PAFAH1B1: variants seen among roughly 807,000 people sequenced by gnomAD.
The protein encoded by PAFAH1B1 is platelet activating factor acetylhydrolase 1b regulatory subunit 1.
PAFAH1B1 carries 2 observed loss-of-function variants against 57.5 expected under a neutral mutation model. That is an observed-to-expected ratio of 0.03 (90% confidence interval 0.01 to 0.11). The LOEUF (loss-of-function observed/expected upper bound fraction) is 0.11. Ranked by LOEUF, PAFAH1B1 falls within the 10% of genes least tolerant of loss-of-function variation. PAFAH1B1 has a pLI of 1.00. For missense variants in PAFAH1B1, 257 were observed against 512.0 expected, an observed-to-expected ratio of 0.50 and a Z score of 4.81; for synonymous variants, 152 against 169.6, an observed-to-expected ratio of 0.90 and a Z score of 0.81.
At chr17:2,614,561 CTG>C (rs2068313683) in intron 1 of PAFAH1B1, among the ~76,000 whole-genome samples, 3 of 152,070 alleles carry the variant, frequency 2.0e-5, no homozygotes, top group Admixed American at 2.0e-4. Flanking sequence ...AACAAGGCAA[CTG>C]TGTTTTCTTC....
At chr17:2,681,671 A>T (rs1398522231) in intron 10 of PAFAH1B1, 58 bp from the exon 11 acceptor site, 9 of 1,340,078 alleles carry the variant, frequency 6.7e-6, no homozygotes, top group African/African-American at 1.4e-5. Context: ...GGGTCTCACT[A>T]TGTTTGTTGT....
intron 1 of PAFAH1B1, among the ~76,000 whole-genome samples, chr17:2,626,706 C>T (rs1349976462): frequency 6.6e-6 from 1 of 151,924 alleles, no homozygotes; most frequent in Non-Finnish European, 1.5e-5. Flanking sequence ...ATGCGCGTGC[C>T]ACCAAGCCCG....
intron 1 of PAFAH1B1, among the ~76,000 whole-genome samples, chr17:2,632,903 C>T (rs999423694): frequency 1.3e-5 from 2 of 152,174 alleles, no homozygotes; most frequent in Non-Finnish European, 2.9e-5. Context: ...TATTCATCTG[C>T]CCTCTGTACT....
chr17:2,681,673 G>A, intron 10 of PAFAH1B1, 56 bp from the exon 11 acceptor site: 1 of 1,388,316 alleles, frequency 7.2e-7, no homozygotes, highest in South Asian at 1.2e-5. Context: ...GTCTCACTAT[G>A]TTTGTTGTCC....
At chr17:2,650,510 TAAA>T (rs11385415) in intron 2 of PAFAH1B1, among the ~76,000 whole-genome samples, 1 of 128,342 alleles carries the variant, frequency 7.8e-6, no homozygotes, top group Non-Finnish European at 1.7e-5. Flanking sequence ...AGACTCCATC[TAAA>T]AAAAAAAAAA....
At chr17:2,681,450 T>G in intron 10 of PAFAH1B1, 1 of 311,346 alleles carries the variant, frequency 3.2e-6, no homozygotes, top group Non-Finnish European at 6.0e-6. Context: ...TCATTAAAAA[T>G]TGTATCTGGC....
chr17:2,596,007 A>C (rs2068080786), intron 1 of PAFAH1B1, among the ~76,000 whole-genome samples: 1 of 152,116 alleles, frequency 6.6e-6, no homozygotes, highest in Admixed American at 6.5e-5. Flanking sequence ...TATGTTTTGT[A>C]AGGTTATTTG....
At position 2,650,813 on chromosome 17, in the gene PAFAH1B1, G is replaced by T. The variant is rs1348883696; in HGVS notation, c.32+12493G>T. Among the ~76,000 whole-genome samples the T allele has an allele frequency of 3.3e-5, 5 of 152,132 alleles. No homozygotes were observed. In the South Asian group the frequency reaches 1.0e-3, roughly 32 times the overall value. On this transcript the variant is annotated intron_variant, in intron 2 of 10. Coordinates refer to ENST00000397195, the MANE Select transcript of PAFAH1B1 (RefSeq NM_000430.4). Reference sequence around the variant, plus strand: ...TTCCTCTGTGAAGTGCCTGTTCGGGGTGTTGCTACGTTTTTGTTTTGTTGT... The same window carrying T: ...TTCCTCTGTGAAGTGCCTGTTCGGGTTGTTGCTACGTTTTTGTTTTGTTGT...
At chr17:2,594,123 C>A in intron 1 of PAFAH1B1, 117 bp downstream of exon 1, 1 of 396,072 alleles carries the variant, frequency 2.5e-6, no homozygotes, top group South Asian at 1.3e-4. Context: ...CTCCCATTCT[C>A]CCCTCCCCCT....
Position 2,664,665 on chromosome 17 carries a change from G to GCGCGCTCTCTCTCTCTCTCTCTCT in PAFAH1B1, c.33-706_33-705insGCGCTCTCTCTCTCTCTCTCTCTC. 8.5e-4 allele frequency among the ~76,000 whole-genome samples: 73 copies of GCGCGCTCTCTCTCTCTCTCTCTCT among 86,080 alleles called. 3 individuals are homozygous for GCGCGCTCTCTCTCTCTCTCTCTCT. The highest frequency in any genetic ancestry group is 3.1e-3 in the South Asian group (7 of 2,248). The allele number at this position is 86,080 out of a possible 152,430, so 56.5% of individuals were successfully genotyped here. A position where few individuals can be genotyped will look rare whatever the true frequency, so the allele number is the denominator to read the frequency against. On this transcript the variant is annotated intron_variant, in intron 2 of 10. Coordinates refer to ENST00000397195, the MANE Select transcript of PAFAH1B1 (RefSeq NM_000430.4). ...TGATATATATCTATATCTATCTATC[G>GCGCGCTCTCTCTCTCTCTCTCTCT]CTCTCTCTCTCTCTCTCTCTCTCTC...
chr17:2,603,788 T>C (rs1238266739), intron 1 of PAFAH1B1, among the ~76,000 whole-genome samples: 2 of 151,768 alleles, frequency 1.3e-5, no homozygotes, highest in African/African-American at 4.8e-5. Flanking sequence ...TCGCCTAGAC[T>C]GGAGTGCAGT....
At chr17:2,634,094 A>AT (rs1397302409) in intron 1 of PAFAH1B1, among the ~76,000 whole-genome samples, 1 of 150,880 alleles carries the variant, frequency 6.6e-6, no homozygotes, top group Non-Finnish European at 1.5e-5. Flanking sequence ...TACTTTCCTC[A>AT]TCCCCTCACA....
At chr17:2,626,235 C>T (rs563039177) in intron 1 of PAFAH1B1, among the ~76,000 whole-genome samples, 1 of 150,766 alleles carries the variant, frequency 6.6e-6, no homozygotes, top group African/African-American at 2.4e-5. Context: ...GCCTGGGCGA[C>T]AGTGAGACTC....
intron 1 of PAFAH1B1, among the ~76,000 whole-genome samples, chr17:2,618,307 C>A (rs1170983152): frequency 6.6e-6 from 1 of 152,138 alleles, no homozygotes; most frequent in Non-Finnish European, 1.5e-5. Context: ...AGTCTAAATT[C>A]TCTCATATCT....
Position 2,608,731 on chromosome 17 carries a change from C to A in PAFAH1B1, c.-191+14725C>A, listed in dbSNP as rs763310907. 3.3e-5 allele frequency among the ~76,000 whole-genome samples: 5 copies of A among 152,344 alleles called. No homozygotes were observed. The East Asian group carries it at 9.6e-4, about 29-fold the overall frequency. On this transcript the variant is annotated intron_variant, in intron 1 of 10. Coordinates refer to ENST00000397195, the MANE Select transcript of PAFAH1B1 (RefSeq NM_000430.4). ...CTGTGCTTGTGCCTCTGCACTCCAA[C>A]CTGGACAACCGGGTGCGACCTCATC...
chr17:2,677,120 T>G (rs955319367), intron 9 of PAFAH1B1, among the ~76,000 whole-genome samples: 1 of 152,156 alleles, frequency 6.6e-6, no homozygotes, highest in African/African-American at 2.4e-5. Flanking sequence ...GCCACTGCAC[T>G]CCAGCCTGGG....
chr17:2,633,983 T>TA (rs2068589597), intron 1 of PAFAH1B1, among the ~76,000 whole-genome samples: 3 of 132,770 alleles, frequency 2.3e-5, no homozygotes, highest in African/African-American at 9.6e-5. Context: ...TTTTTTTTTT[T>TA]AATAGGTTGG....
chr17:2,624,986 C>T (rs560024108), intron 1 of PAFAH1B1, among the ~76,000 whole-genome samples: 11 of 151,188 alleles, frequency 7.3e-5, no homozygotes, highest in African/African-American at 2.4e-4. Flanking sequence ...CATGTCATTG[C>T]GCCTCTACTG....
In PAFAH1B1 at chr17:2,674,686, T is replaced by C. The variant is rs2069235138; in HGVS notation, c.900+398T>C. ...GTAAAATGCAGTTCAGTATTTATTT[T>C]TTAAAATTAATTCCAGATGTGATAG... On this transcript the variant is annotated intron_variant, in intron 8 of 10. Transcript: ENST00000397195. 2.0e-5 allele frequency among the ~76,000 whole-genome samples: 3 copies of C among 152,368 alleles called. No individual in the cohort carries two copies. The South Asian group carries it at 6.2e-4, about 32-fold the overall frequency.
Sources: gnomAD v4.1 joint callset for allele counts (sites outside exome capture counted in the v4.1 genomes callset) on GRCh38, gnomAD v4.1.1 for gene constraint, MANE v1.5 for transcripts, NCBI Gene and HGNC (gene_info 2026-07-23, HGNC 2026-07-21) for gene names.